ZNF254: variants seen among roughly 807,000 people sequenced by gnomAD.
ZNF254 encodes the protein zinc finger protein 254.
ZNF254 carries 10 observed loss-of-function variants against 12.4 expected under a neutral mutation model. The ratio of observed to expected loss-of-function variants is 0.80; its 90% CI spans 0.50 to 1.36. ZNF254 has a LOEUF of 1.36. Ranked by LOEUF, ZNF254 falls within the 40% of genes most tolerant of loss-of-function variation. ZNF254 has a pLI of 0.00. For synonymous variants in ZNF254, 305 were observed against 253.4 expected, an observed-to-expected ratio of 1.20 and a Z score of -1.93; for missense variants, 996 against 763.9, an observed-to-expected ratio of 1.30 and a Z score of -3.58.
intron 3 of ZNF254, among the ~76,000 whole-genome samples, chr19:24,119,359 T>G (rs752669851): frequency 6.6e-5 from 10 of 151,822 alleles, no homozygotes; most frequent in Non-Finnish European, 1.2e-4. Context: ...GCCTGGCGAA[T>G]TTTTGCATTT....
chr19:24,056,195 C>G (rs56171623), intron 2 of ZNF254, among the ~76,000 whole-genome samples: 22,392 of 152,130 alleles, frequency 0.15, 1,894 homozygotes, highest in Middle Eastern at 0.23. Context: ...GGACATGTCT[C>G]TGAGCCCTAT....
intron 1 of ZNF254, among the ~76,000 whole-genome samples, chr19:24,096,375 A>G (rs1172411241): frequency 6.6e-6 from 1 of 151,700 alleles, no homozygotes; most frequent in African/African-American, 2.4e-5. Flanking sequence ...TTTTGTTCTT[A>G]TTTGTTTAAA....
chr19:24,107,985 A>G (rs2145826833), intron 3 of ZNF254, among the ~76,000 whole-genome samples: 1 of 152,320 alleles, frequency 6.6e-6, no homozygotes, highest in African/African-American at 2.4e-5. Flanking sequence ...AATATCCTTC[A>G]GGACTTTGCT....
intron 1 of ZNF254, among the ~76,000 whole-genome samples, chr19:24,099,769 T>C (rs1042819084): frequency 6.6e-5 from 10 of 152,214 alleles, no homozygotes; most frequent in African/African-American, 2.4e-4. Context: ...TCTTTCTGTC[T>C]TTTCAGTCTC....
At chr19:24,063,401 T>A (rs1015249844) in intron 2 of ZNF254, among the ~76,000 whole-genome samples, 2 of 152,216 alleles carry the variant, frequency 1.3e-5, no homozygotes, top group African/African-American at 4.8e-5. Flanking sequence ...CGCACAGTGG[T>A]CATTGTGACA....
At chr19:24,083,416 TC>T (rs1380188765), upstream of ZNF254, among the ~76,000 whole-genome samples, 1 of 152,068 alleles carries the variant, frequency 6.6e-6, no homozygotes, top group African/African-American at 2.4e-5. Flanking sequence ...TCAATACAAT[TC>T]CTATGAAAAT....
intron 2 of ZNF254, among the ~76,000 whole-genome samples, chr19:24,073,941 C>G (rs1225773910): frequency 6.6e-6 from 1 of 152,186 alleles, no homozygotes; most frequent in Non-Finnish European, 1.5e-5. Flanking sequence ...ATTTGATTCT[C>G]CTCCCTGGTG....
Position 24,127,503 on chromosome 19 carries a change from A to T in ZNF254, c.1503A>T (p.Gln501His). ...AAGAATGTGGCAAATCTTTTAGCCA[A>T]TCCTCAACCCTTACTACACATAAGA... ...KCEECGKSFS[Q>H]SSTLTTHKII... is the part of the protein sequence containing the mutation. The change falls in exon 4 of 4, where the codon CAA becomes CAT. Residue 501 changes from glutamine to histidine, a missense_variant. Physicochemically the swap from Gln to His is conservative, Grantham distance 24. Coordinates refer to ENST00000357002, the MANE Select transcript of ZNF254 (RefSeq NM_203282.4). 1 of 1,604,910 alleles carries T rather than the reference A, an allele frequency of 6.2e-7. No homozygotes were observed. Among genetic ancestry groups the T allele is most frequent in the Non-Finnish European group, 8.5e-7 (1 of 1,176,342 alleles).
At chr19:24,071,761 A>C (rs1971489908) in intron 2 of ZNF254, among the ~76,000 whole-genome samples, 1 of 152,170 alleles carries the variant, frequency 6.6e-6, no homozygotes, top group African/African-American at 2.4e-5. Flanking sequence ...TGCTGGGCCC[A>C]GCACCTTGGT....
chr19:24,117,206 G>T (rs1974142804), intron 3 of ZNF254, among the ~76,000 whole-genome samples: 1 of 152,146 alleles, frequency 6.6e-6, no homozygotes, highest in Non-Finnish European at 1.5e-5. Flanking sequence ...TGTGTTGGGA[G>T]AACCACTGCT....
intron 3 of ZNF254, among the ~76,000 whole-genome samples, chr19:24,121,553 A>G (rs1974484094): frequency 6.6e-6 from 1 of 152,002 alleles, no homozygotes; most frequent in East Asian, 1.9e-4. Context: ...TATAAATGTT[A>G]TCTTTTTTAA....
chr19:24,085,707 G>T (rs939365531), upstream of ZNF254, among the ~76,000 whole-genome samples: 2 of 151,592 alleles, frequency 1.3e-5, no homozygotes, highest in Non-Finnish European at 2.9e-5. Context: ...GGGAGGCGGA[G>T]GTTGCAGTGA....
At chr19:24,063,920 C>G (rs1243081983) in intron 2 of ZNF254, 1 of 152,012 alleles carries the variant, frequency 6.6e-6, no homozygotes, top group Non-Finnish European at 1.5e-5. Flanking sequence ...CCATTACAAT[C>G]TCTTCTACGG....
chr19:24,059,748 T>C (rs1971000171), intron 2 of ZNF254, among the ~76,000 whole-genome samples: 1 of 152,200 alleles, frequency 6.6e-6, no homozygotes. Context: ...TCTCCACTTA[T>C]GCCTGGGTCT....
intron 2 of ZNF254, among the ~76,000 whole-genome samples, chr19:24,054,601 C>A (rs998146089): frequency 2.0e-4 from 30 of 152,188 alleles, no homozygotes; most frequent in Non-Finnish European, 4.1e-4. Context: ...TTAGGATTAT[C>A]ACCCTCACAC....
chr19:24,094,062 A>G (rs903274734), intron 1 of ZNF254, among the ~76,000 whole-genome samples: 5 of 151,972 alleles, frequency 3.3e-5, no homozygotes, highest in African/African-American at 1.2e-4. Flanking sequence ...TATGATTCGT[A>G]TTTGGCTTGG....
intron 3 of ZNF254, among the ~76,000 whole-genome samples, chr19:24,119,738 A>T (rs2145944328): frequency 6.6e-6 from 1 of 152,126 alleles, no homozygotes; most frequent in East Asian, 1.9e-4. Context: ...TGAACACCCC[A>T]CTTTAACCTC....
rs202209095 is a variant in ZNF254, at chr19:24,127,250, G to A, written c.1250G>A (p.Arg417Gln). ...KCEECGKGFNRSSNLTTHKII... is the reference protein window; with the variant it reads ...KCEECGKGFNQSSNLTTHKII... ...GAAGAATGCGGCAAAGGTTTTAATC[G>A]ATCTTCAAATCTTACTACACATAAG... is the stretch of plus-strand genomic sequence containing the variant. The change falls in exon 4 of 4, where the codon CGA becomes CAA. Residue 417 changes from arginine (R) to glutamine (Q), a missense_variant. Physicochemically the swap from Arg to Gln is conservative, Grantham distance 43. Coordinates refer to ENST00000357002, the MANE Select transcript of ZNF254 (RefSeq NM_203282.4). The A allele has an allele frequency of 1.2e-5, 20 of 1,612,092 alleles. No individual in the cohort carries two copies. Among genetic ancestry groups the A allele is most frequent in the South Asian group, 5.5e-5 (5 of 90,972 alleles).
intron 3 of ZNF254, among the ~76,000 whole-genome samples, chr19:24,122,607 A>G (rs773868730): frequency 6.6e-6 from 1 of 151,640 alleles, no homozygotes; most frequent in Non-Finnish European, 1.5e-5. Flanking sequence ...TATATTTCAT[A>G]CAATCTGTCG....
Sources: allele counts gnomAD v4.1 joint callset (sites outside exome capture counted in the v4.1 genomes callset), GRCh38; gene constraint gnomAD v4.1.1; transcripts MANE v1.5; gene names NCBI Gene and HGNC (gene_info 2026-07-23, HGNC 2026-07-21).